Variants in MAP3K20 observed in about 807,000 individuals in gnomAD.
MAP3K20 encodes mitogen-activated protein kinase kinase kinase 20.
Under a neutral mutation model 85.7 loss-of-function variants are expected in MAP3K20, and 40 were observed. The observed-to-expected ratio is 0.47, with a 90% CI of 0.36 to 0.61. The LOEUF (loss-of-function observed/expected upper bound fraction) is 0.61. Among genes scored for constraint, MAP3K20 ranks in the 20% least tolerant of loss-of-function variants. The pLI is 0.00. For synonymous variants in MAP3K20, 325 were observed against 327.7 expected (o/e 0.99, Z 0.09); for missense variants, 817 against 961.7 (o/e 0.85, Z 1.99).
At chr2:173,141,128 G>T (rs181858550) in intron 2 of MAP3K20, among the ~76,000 whole-genome samples, 5 of 152,208 alleles carry the variant, frequency 3.3e-5, no homozygotes, top group Admixed American at 3.3e-4. Flanking sequence ...GTGACTACAC[G>T]TAGAGCTACC....
At position 173,245,234 on chromosome 2, in the gene MAP3K20, A is replaced by C. The variant is rs76552619; in HGVS notation, c.1359+5738A>C. On this transcript the variant is annotated intron_variant, in intron 16 of 19. Coordinates refer to ENST00000375213, the MANE Select transcript of MAP3K20 (RefSeq NM_016653.3). ...AATAGGTAAAGGAAAAACCCTGTCC[A>C]CCTTTGTCCTAAGAATTCAGATCAA... Among the ~76,000 whole-genome samples, 5 of 152,262 alleles carry C rather than the reference A, an allele frequency of 3.3e-5. No individual in the cohort carries two copies. The East Asian group carries it at 7.7e-4, about 24-fold the overall frequency.
chr2:173,124,412 C>T (rs538642498), intron 2 of MAP3K20, among the ~76,000 whole-genome samples: 6 of 152,226 alleles, frequency 3.9e-5, no homozygotes, highest in African/African-American at 1.2e-4. Context: ...GGGCCTGCTC[C>T]CCGGGCTGTG....
At chr2:173,257,188 A>G (rs1001328613) in intron 16 of MAP3K20, among the ~76,000 whole-genome samples, 1 of 152,100 alleles carries the variant, frequency 6.6e-6, no homozygotes, top group Non-Finnish European at 1.5e-5. Flanking sequence ...AATAATCACT[A>G]TAAAATTAAT....
chr2:173,146,055 G>A (rs1456664887), intron 2 of MAP3K20, among the ~76,000 whole-genome samples: 2 of 152,144 alleles, frequency 1.3e-5, no homozygotes, highest in African/African-American at 2.4e-5. Flanking sequence ...AGCCCATGAG[G>A]GTTGGGTACT....
chr2:173,141,664 C>G (rs147346161), intron 2 of MAP3K20, among the ~76,000 whole-genome samples: 1 of 152,064 alleles, frequency 6.6e-6, no homozygotes. Context: ...GAAATGATGA[C>G]TTCAAGTGCC....
chr2:173,111,646 A>C (rs1213660776), intron 2 of MAP3K20, among the ~76,000 whole-genome samples: 3 of 152,160 alleles, frequency 2.0e-5, no homozygotes, highest in Non-Finnish European at 4.4e-5. Context: ...ACATGTGGCT[A>C]GCCAATTATC....
At chr2:173,122,402 G>A (rs1238885371) in intron 2 of MAP3K20, among the ~76,000 whole-genome samples, 1 of 152,162 alleles carries the variant, frequency 6.6e-6, no homozygotes, top group African/African-American at 2.4e-5. Context: ...CAGAGCTAGT[G>A]TTTAGTATTC....
intron 2 of MAP3K20, among the ~76,000 whole-genome samples, chr2:173,111,076 A>G (rs1282215930): frequency 6.6e-6 from 1 of 152,156 alleles, no homozygotes; most frequent in Non-Finnish European, 1.5e-5. Context: ...TGTTCACCAC[A>G]TCCATGCCAG....
intron 11 of MAP3K20, chr2:173,227,218 C>T (rs546169943): frequency 3.5e-5 from 29 of 823,908 alleles, no homozygotes; most frequent in Middle Eastern, 6.2e-4. Context: ...TTGAAGGAAT[C>T]GTTGTCACAC....
chr2:173,221,010 C>A, intron 11 of MAP3K20: 1 of 638,924 alleles, frequency 1.6e-6, no homozygotes, highest in Non-Finnish European at 2.3e-6. Flanking sequence ...AATAAATTCT[C>A]ACATAATTCC....
intron 2 of MAP3K20, among the ~76,000 whole-genome samples, chr2:173,133,161 AT>A (rs1688664612): frequency 6.6e-6 from 1 of 152,166 alleles, no homozygotes; most frequent in Admixed American, 6.5e-5. Context: ...TAATTCCAAA[AT>A]TTTAGAAGAT....
chr2:173,101,791 C>G (rs565915959), intron 2 of MAP3K20, among the ~76,000 whole-genome samples: 1 of 152,300 alleles, frequency 6.6e-6, no homozygotes, highest in East Asian at 1.9e-4. Flanking sequence ...GAATTTTCTT[C>G]TCTGTTCTGT....
chr2:173,082,834 C>T (rs1053256487), intron 1 of MAP3K20, among the ~76,000 whole-genome samples: 1 of 152,238 alleles, frequency 6.6e-6, no homozygotes, highest in Non-Finnish European at 1.5e-5. Context: ...CTTCATGTTT[C>T]CTTGTTGGGC....
intron 11 of MAP3K20, chr2:173,223,468 GAC>G: frequency 1.0e-6 from 1 of 985,408 alleles, no homozygotes; most frequent in Non-Finnish European, 1.2e-6. Context: ...TGCCAGTGAA[GAC>G]ACTGAAAAAT....
At chr2:173,098,519 C>T (rs1168416443) in intron 2 of MAP3K20, among the ~76,000 whole-genome samples, 1 of 152,140 alleles carries the variant, frequency 6.6e-6, no homozygotes, top group Non-Finnish European at 1.5e-5. Flanking sequence ...AAATTGATTT[C>T]ATGTTTAGCC....
intron 2 of MAP3K20, among the ~76,000 whole-genome samples, chr2:173,161,786 C>T (rs1015148340): frequency 6.6e-6 from 1 of 152,114 alleles, no homozygotes; most frequent in Non-Finnish European, 1.5e-5. Context: ...GAACCTATGG[C>T]CTTCTGTAAG....
intron 14 of MAP3K20, among the ~76,000 whole-genome samples, chr2:173,236,711 T>C (rs1384414488): frequency 1.3e-5 from 2 of 152,108 alleles, no homozygotes; most frequent in African/African-American, 4.8e-5. Context: ...CCAACAAGTT[T>C]ATATGAGAGG....
chr2:173,130,282 CTA>C (rs1688573562), intron 2 of MAP3K20, among the ~76,000 whole-genome samples: 1 of 152,108 alleles, frequency 6.6e-6, no homozygotes, highest in African/African-American at 2.4e-5. Flanking sequence ...AAACAATTGT[CTA>C]GACCCATATT....
chr2:173,078,118 CAG>C (rs1223879953), intron 1 of MAP3K20, among the ~76,000 whole-genome samples: 1 of 152,254 alleles, frequency 6.6e-6, no homozygotes, highest in African/African-American at 2.4e-5. Context: ...TGTGGAGTGA[CAG>C]AGCAAAATGG....
Sources: allele counts gnomAD v4.1 joint callset (sites outside exome capture counted in the v4.1 genomes callset), GRCh38; gene constraint gnomAD v4.1.1; transcripts MANE v1.5; gene names NCBI Gene and HGNC (gene_info 2026-07-23, HGNC 2026-07-21).